Variants in AGBL1 observed in about 807,000 individuals in gnomAD.
AGBL1 encodes cytosolic carboxypeptidase 4.
Under a neutral mutation model 118.9 loss-of-function variants are expected in AGBL1, and 130 were observed. That is an observed-to-expected ratio of 1.09 (90% confidence interval 0.95 to 1.26). The LOEUF is 1.26. AGBL1 is among the 50% of genes most tolerant of loss of function. The pLI, the probability that AGBL1 is intolerant of heterozygous loss-of-function variation, is 0.00. For missense variants in AGBL1, 1,584 were observed against 1,298.1 expected, an observed-to-expected ratio of 1.22 and a Z score of -3.38; for synonymous variants, 555 against 478.9, an observed-to-expected ratio of 1.16 and a Z score of -2.08.
At chr15:87,004,426 C>T (rs966365913) in intron 24 of AGBL1, among the ~76,000 whole-genome samples, 4 of 152,092 alleles carry the variant, frequency 2.6e-5, no homozygotes, top group African/African-American at 7.2e-5. Flanking sequence ...TGAATTGATC[C>T]CTTTACCATT....
rs757964535 is a variant in AGBL1, at chr15:86,864,942, T to C, written c.3159-42145T>C. 7.9e-4 allele frequency among the ~76,000 whole-genome samples: 121 copies of C among 152,332 alleles called. No individual in the cohort carries two copies. The Middle Eastern group carries it at 0.01, about 13-fold the overall frequency. ...ATATTTTGATTTTTCAGAGCACTTA[T>C]CACAATAAAAAATCATTACGTTTGT... On this transcript the variant is annotated intron_variant, in intron 22 of 22. Transcript: ENST00000614907.
intron 22 of AGBL1, among the ~76,000 whole-genome samples, chr15:86,693,388 T>A (rs920138110): frequency 6.6e-6 from 1 of 152,138 alleles, no homozygotes; most frequent in Non-Finnish European, 1.5e-5. Flanking sequence ...TTGTTGGCAA[T>A]TTGTATATCT....
chr15:86,899,829 G>A (rs749486475), intron 22 of AGBL1, among the ~76,000 whole-genome samples: 6 of 152,116 alleles, frequency 3.9e-5, no homozygotes, highest in Non-Finnish European at 8.8e-5. Context: ...TGAAGGATGC[G>A]ACATATTATT....
intron 21 of AGBL1, among the ~76,000 whole-genome samples, chr15:86,609,571 G>T (rs375323694): frequency 6.6e-6 from 1 of 152,214 alleles, no homozygotes; most frequent in East Asian, 1.9e-4. Context: ...GTCGATCCAG[G>T]TTATAGAACT....
intron 22 of AGBL1, among the ~76,000 whole-genome samples, chr15:86,691,041 A>G (rs1021312694): frequency 6.6e-6 from 1 of 152,260 alleles, no homozygotes; most frequent in Admixed American, 6.5e-5. Context: ...CATATTAAGT[A>G]GTAGGTTGCA....
chr15:86,829,151 G>C (rs2079071972), intron 22 of AGBL1, among the ~76,000 whole-genome samples: 1 of 152,016 alleles, frequency 6.6e-6, no homozygotes, highest in African/African-American at 2.4e-5. Context: ...GTGAAGTTCA[G>C]AGGGATGCAG....
chr15:86,216,845 G>A (rs1417487576), intron 5 of AGBL1, among the ~76,000 whole-genome samples: 1 of 152,106 alleles, frequency 6.6e-6, no homozygotes, highest in Non-Finnish European at 1.5e-5. Context: ...TCTCAGTCCT[G>A]CTCCACTCCT....
chr15:86,680,838 A>T (rs2085941206), intron 22 of AGBL1, among the ~76,000 whole-genome samples: 1 of 151,820 alleles, frequency 6.6e-6, no homozygotes, highest in South Asian at 2.1e-4. Flanking sequence ...AAGTGCTGGG[A>T]TTACAGGCGT....
chr15:86,928,519 C>T (rs1477233096), intron 23 of AGBL1, among the ~76,000 whole-genome samples: 1 of 152,128 alleles, frequency 6.6e-6, no homozygotes, highest in Non-Finnish European at 1.5e-5. Flanking sequence ...GAGTCTAGGG[C>T]TGGTTTGCTC....
At chr15:86,959,823 G>C (rs1431364027) in intron 23 of AGBL1, among the ~76,000 whole-genome samples, 1 of 151,902 alleles carries the variant, frequency 6.6e-6, no homozygotes, top group African/African-American at 2.4e-5. Flanking sequence ...TCTTATCTGA[G>C]TTTCTCTCCA....
At chr15:86,765,278 T>C (rs940933953) in intron 22 of AGBL1, among the ~76,000 whole-genome samples, 7 of 151,968 alleles carry the variant, frequency 4.6e-5, no homozygotes, top group African/African-American at 1.7e-4. Flanking sequence ...CAAATAATCA[T>C]TGTGCTCCTA....
intron 17 of AGBL1, among the ~76,000 whole-genome samples, chr15:86,342,146 C>G (rs1457438411): frequency 6.6e-6 from 1 of 152,144 alleles, no homozygotes; most frequent in Non-Finnish European, 1.5e-5. Flanking sequence ...ATCTAACATC[C>G]TTTTTTTACT....
intron 22 of AGBL1, among the ~76,000 whole-genome samples, chr15:86,724,050 A>G (rs964833781): frequency 2.1e-4 from 32 of 152,076 alleles, no homozygotes; most frequent in African/African-American, 7.2e-4. Context: ...CCTGGCTAAC[A>G]TGGTGAAAAC....
In AGBL1 at chr15:86,499,647, A is replaced by G. The variant is rs187578739; in HGVS notation, c.2556-23163A>G. Among the ~76,000 whole-genome samples, 408 of 152,048 alleles carry G rather than the reference A, an allele frequency of 2.7e-3. 1 individual carries two copies. The highest frequency in any genetic ancestry group is 9.3e-3 in the African/African-American group (387 of 41,538). ...TGCATCCTCTACTAATTAGTATTAC[A>G]GTTCAATTCTGGACTGGTCCCATAG... On this transcript the variant is annotated intron_variant, in intron 18 of 22. Coordinates refer to ENST00000614907, the MANE Select transcript of AGBL1 (RefSeq NM_001386094.1).
chr15:86,235,365 C>T (rs563810689), intron 6 of AGBL1, among the ~76,000 whole-genome samples: 11 of 152,206 alleles, frequency 7.2e-5, no homozygotes, highest in South Asian at 6.2e-4. Context: ...TCAATCAATC[C>T]GCATGCACTT....
At chr15:86,835,782 A>T (rs893596704) in intron 22 of AGBL1, among the ~76,000 whole-genome samples, 7 of 152,168 alleles carry the variant, frequency 4.6e-5, no homozygotes, top group Non-Finnish European at 8.8e-5. Context: ...CAAAGGGTGC[A>T]GGGCATTAGC....
chr15:86,876,377 G>A (rs2079808103), intron 22 of AGBL1, among the ~76,000 whole-genome samples: 3 of 151,942 alleles, frequency 2.0e-5, no homozygotes, highest in African/African-American at 7.3e-5. Flanking sequence ...ACCGATGGAG[G>A]GCATTCAGAA....
intron 22 of AGBL1, among the ~76,000 whole-genome samples, chr15:86,785,478 G>T (rs2078397902): frequency 6.6e-6 from 1 of 150,494 alleles, no homozygotes; most frequent in East Asian, 1.9e-4. Flanking sequence ...AGGTTCAAGC[G>T]ATCCTCCTGC....
chr15:87,030,313 CA>C (rs1294389229), downstream of AGBL1, among the ~76,000 whole-genome samples: 2 of 151,944 alleles, frequency 1.3e-5, no homozygotes, highest in Non-Finnish European at 2.9e-5. Flanking sequence ...GAGTGAAACT[CA>C]ACTTTAAATA....
Sources: gnomAD v4.1 joint callset for allele counts (sites outside exome capture counted in the v4.1 genomes callset) on GRCh38, gnomAD v4.1.1 for gene constraint, MANE v1.5 for transcripts, NCBI Gene and HGNC (gene_info 2026-07-23, HGNC 2026-07-21) for gene names.